NFIA: variants seen among roughly 807,000 people sequenced by gnomAD.
NFIA encodes nuclear factor 1 A-type.
Under a neutral mutation model 62.8 loss-of-function variants are expected in NFIA, and 8 were observed. The ratio of observed to expected loss-of-function variants is 0.13; its 90% confidence interval spans 0.07 to 0.23. The LOEUF (loss-of-function observed/expected upper bound fraction) is 0.23. Among genes scored for constraint, NFIA ranks in the 10% least tolerant of loss-of-function variants. NFIA has a pLI of 1.00. For synonymous variants in NFIA, 235 were observed against 238.1 expected (o/e 0.99, Z 0.12); for missense variants, 410 against 642.1 (o/e 0.64, Z 3.91).
intron 2 of NFIA, among the ~76,000 whole-genome samples, chr1:61,160,916 A>G (rs960466495): frequency 6.6e-6 from 1 of 152,126 alleles, no homozygotes; most frequent in Non-Finnish European, 1.5e-5. Flanking sequence ...AGTAAAATAC[A>G]TGTTTTGTTT....
intron 10 of NFIA, among the ~76,000 whole-genome samples, chr1:61,450,877 A>G (rs1668026282): frequency 6.6e-6 from 1 of 152,182 alleles, no homozygotes; most frequent in African/African-American, 2.4e-5. Context: ...TTTCTCAGAC[A>G]TTTTTCTTTT....
chr1:61,452,319 C>A (rs1668094169), intron 10 of NFIA, among the ~76,000 whole-genome samples: 1 of 151,878 alleles, frequency 6.6e-6, no homozygotes, highest in Admixed American at 6.6e-5. Flanking sequence ...ATGATTTAAT[C>A]AGAGACTTCA....
intron 6 of NFIA, among the ~76,000 whole-genome samples, chr1:61,373,012 T>C (rs561672379): frequency 6.6e-6 from 1 of 152,296 alleles, no homozygotes; most frequent in South Asian, 2.1e-4. Flanking sequence ...GCACTACCTT[T>C]AAAAAAATTC....
chr1:61,181,962 C>G (rs1448066368), intron 2 of NFIA, among the ~76,000 whole-genome samples: 1 of 152,184 alleles, frequency 6.6e-6, no homozygotes, highest in African/African-American at 2.4e-5. Context: ...AAATTTAAGA[C>G]TCAAAGTTTG....
chr1:61,368,042 T>G (rs935257427), intron 6 of NFIA, among the ~76,000 whole-genome samples: 14 of 152,236 alleles, frequency 9.2e-5, no homozygotes, highest in Admixed American at 3.3e-4. Context: ...GTTGCTCCGC[T>G]TGCATCGGAG....
At chr1:61,434,605 C>T (rs1667248972) in intron 10 of NFIA, among the ~76,000 whole-genome samples, 1 of 152,198 alleles carries the variant, frequency 6.6e-6, no homozygotes, top group Non-Finnish European at 1.5e-5. Flanking sequence ...ATACTGGTCA[C>T]CTTTTCTCTC....
chr1:61,131,827 C>T (rs148148255), intron 2 of NFIA, among the ~76,000 whole-genome samples: 302 of 152,066 alleles, frequency 2.0e-3, no homozygotes, highest in African/African-American at 7.1e-3. Flanking sequence ...CTGATACAGA[C>T]CAAGCTGTTT....
chr1:61,289,039 G>A (rs1387836532), intron 3 of NFIA, among the ~76,000 whole-genome samples: 2 of 152,188 alleles, frequency 1.3e-5, no homozygotes. Context: ...CAAAGTGCTG[G>A]GGTCACAGGT....
At chr1:61,327,818 G>C (rs965059713) in intron 3 of NFIA, among the ~76,000 whole-genome samples, 2 of 152,040 alleles carry the variant, frequency 1.3e-5, no homozygotes, top group African/African-American at 4.8e-5. Flanking sequence ...GATCTACTTT[G>C]AGTTCTTTAA....
intron 2 of NFIA, among the ~76,000 whole-genome samples, chr1:61,106,133 A>ATC (rs200941401): frequency 3.3e-5 from 5 of 150,528 alleles, no homozygotes; most frequent in South Asian, 4.2e-4. Context: ...CTATCTATCT[A>ATC]TATCTTACTG....
intron 2 of NFIA, among the ~76,000 whole-genome samples, chr1:61,231,400 GC>G (rs1654662737): frequency 6.6e-6 from 1 of 152,138 alleles, no homozygotes; most frequent in Admixed American, 6.5e-5. Flanking sequence ...TGTTGCCACT[GC>G]TTACCATTTC....
At chr1:61,436,691 T>C (rs990637154) in intron 10 of NFIA, among the ~76,000 whole-genome samples, 1 of 152,180 alleles carries the variant, frequency 6.6e-6, no homozygotes, top group African/African-American at 2.4e-5. Context: ...ATTGAGGACT[T>C]AGGCACATTC....
At chr1:61,214,106 T>C (rs1653449517) in intron 2 of NFIA, among the ~76,000 whole-genome samples, 1 of 152,150 alleles carries the variant, frequency 6.6e-6, no homozygotes, top group Admixed American at 6.5e-5. Context: ...CTTACACATG[T>C]GTGGAGGGTG....
At chr1:61,322,998 CA>C (rs1026338734) in intron 3 of NFIA, among the ~76,000 whole-genome samples, 2 of 151,908 alleles carry the variant, frequency 1.3e-5, no homozygotes, top group Admixed American at 1.3e-4. Context: ...CAAAAACAAA[CA>C]AAAAAACACA....
At chr1:61,369,375 G>A (rs1663764795) in intron 6 of NFIA, among the ~76,000 whole-genome samples, 1 of 152,012 alleles carries the variant, frequency 6.6e-6, no homozygotes, top group Non-Finnish European at 1.5e-5. Flanking sequence ...ATTCACCAGA[G>A]GGTAGAATAA....
intron 1 of NFIA, among the ~76,000 whole-genome samples, chr1:61,083,070 C>T (rs1321506916): frequency 6.6e-6 from 1 of 152,188 alleles, no homozygotes; most frequent in African/African-American, 2.4e-5. Flanking sequence ...TGTGTGGGCA[C>T]ATGGCTAATG....
intron 2 of NFIA, among the ~76,000 whole-genome samples, chr1:61,161,510 T>G (rs1305968749): frequency 2.6e-5 from 4 of 152,044 alleles, no homozygotes; most frequent in African/African-American, 9.7e-5. Flanking sequence ...AAGAAAGACA[T>G]GGAGACACTG....
chr1:61,322,568 G>A (rs1660731605), intron 3 of NFIA, among the ~76,000 whole-genome samples: 1 of 152,094 alleles, frequency 6.6e-6, no homozygotes, highest in Non-Finnish European at 1.5e-5. Context: ...GGGGGTAGAA[G>A]TTGATTGTAT....
chr1:61,284,133 A>C (rs1182091773), intron 3 of NFIA, among the ~76,000 whole-genome samples: 1 of 152,202 alleles, frequency 6.6e-6, no homozygotes, highest in East Asian at 1.9e-4. Flanking sequence ...GTGACCACCA[A>C]AATAGCAGCA....
Sources: allele counts gnomAD v4.1 joint callset (sites outside exome capture counted in the v4.1 genomes callset), GRCh38; gene constraint gnomAD v4.1.1; transcripts MANE v1.5; gene names NCBI Gene and HGNC (gene_info 2026-07-23, HGNC 2026-07-21).